TCF12: variants seen among roughly 807,000 people sequenced by gnomAD.
TCF12 encodes transcription factor 12.
Under a neutral mutation model 86.0 loss-of-function variants are expected in TCF12, and 45 were observed. The observed-to-expected ratio is 0.52, with a 90% CI of 0.41 to 0.67. The LOEUF is 0.67. Among genes scored for constraint, TCF12 ranks in the 30% least tolerant of loss-of-function variants. TCF12 has a pLI of 0.00. For synonymous variants in TCF12, 330 were observed against 299.6 expected (o/e 1.10, Z -1.05); for missense variants, 881 against 859.9 (o/e 1.02, Z -0.31).
intron 3 of TCF12, among the ~76,000 whole-genome samples, chr15:56,988,503 T>A (rs1171155665): frequency 2.0e-5 from 3 of 152,206 alleles, no homozygotes; most frequent in African/African-American, 7.2e-5. Flanking sequence ...GGTACATGAC[T>A]GTATTTTTGT....
intron 3 of TCF12, among the ~76,000 whole-genome samples, chr15:56,929,440 AC>A (rs2060152441): frequency 6.6e-6 from 1 of 152,124 alleles, no homozygotes. Context: ...TTTTAAAGAT[AC>A]CCTTGACTTG....
chr15:57,264,490 C>T (rs187407559), intron 18 of TCF12, among the ~76,000 whole-genome samples: 3 of 151,906 alleles, frequency 2.0e-5, no homozygotes, highest in South Asian at 2.1e-4. Context: ...CATGAGCCAC[C>T]GCACCCGGCC....
chr15:57,119,719 A>G (rs576928320), intron 5 of TCF12, among the ~76,000 whole-genome samples: 8 of 152,238 alleles, frequency 5.3e-5, no homozygotes, highest in Admixed American at 2.6e-4. Flanking sequence ...TGGAATCACA[A>G]TATCACTGAT....
intron 3 of TCF12, among the ~76,000 whole-genome samples, chr15:57,035,117 C>CT (rs1390150487): frequency 8.5e-5 from 13 of 152,088 alleles, no homozygotes; most frequent in African/African-American, 2.9e-4. Context: ...TTACAACCCC[C>CT]CAATGAGATT....
chr15:57,110,594 T>A (rs1381272408), intron 5 of TCF12, among the ~76,000 whole-genome samples: 1 of 152,212 alleles, frequency 6.6e-6, no homozygotes, highest in Non-Finnish European at 1.5e-5. Context: ...ATTTTTTGTG[T>A]ACAGGAAGAA....
chr15:57,144,179 G>C (rs1043242531), intron 5 of TCF12, among the ~76,000 whole-genome samples: 1 of 152,150 alleles, frequency 6.6e-6, no homozygotes, highest in African/African-American at 2.4e-5. Flanking sequence ...AGAGGCAGGG[G>C]TATCAGTTGG....
intron 5 of TCF12, among the ~76,000 whole-genome samples, chr15:57,145,063 A>G (rs536667039): frequency 6.6e-6 from 1 of 152,206 alleles, no homozygotes; most frequent in East Asian, 1.9e-4. Context: ...CAAAATATGG[A>G]TGAGCCAAAA....
chr15:56,950,843 T>C (rs951800654), intron 3 of TCF12, among the ~76,000 whole-genome samples: 2 of 145,618 alleles, frequency 1.4e-5, no homozygotes, highest in Admixed American at 7.1e-5. Context: ...CACAACCTCT[T>C]CCTCCCAGGT....
At chr15:56,981,017 A>AGCC (rs1319425542) in intron 3 of TCF12, among the ~76,000 whole-genome samples, 1 of 152,210 alleles carries the variant, frequency 6.6e-6, no homozygotes, top group African/African-American at 2.4e-5. Flanking sequence ...TAGAGCAGGA[A>AGCC]GCCTCATATT....
chr15:57,090,400 A>G (rs1596479577), intron 4 of TCF12, among the ~76,000 whole-genome samples: 2 of 152,332 alleles, frequency 1.3e-5, no homozygotes, highest in East Asian at 1.9e-4. Context: ...TTCTTCTTGA[A>G]TATCTATCAC....
At chr15:57,241,290 G>C (rs2733321) in intron 12 of TCF12, among the ~76,000 whole-genome samples, 151,570 of 152,086 alleles carry the variant, frequency 1, 75,530 homozygotes, top group Middle Eastern at 1. Context: ...CGGGGTTTCA[G>C]CATGTTGGCC....
intron 12 of TCF12, among the ~76,000 whole-genome samples, chr15:57,235,827 T>C (rs1207334782): frequency 3.9e-5 from 6 of 152,372 alleles, no homozygotes; most frequent in African/African-American, 1.2e-4. Context: ...AGAAAACTTC[T>C]ATCAGGGAAC....
At chr15:57,018,537 A>G (rs2065283878) in intron 3 of TCF12, among the ~76,000 whole-genome samples, 1 of 148,914 alleles carries the variant, frequency 6.7e-6, no homozygotes, top group South Asian at 2.1e-4. Flanking sequence ...ATCTCGGCTC[A>G]CCGCAACATG....
chr15:56,929,019 A>G (rs1424305289), intron 3 of TCF12, among the ~76,000 whole-genome samples: 1 of 152,216 alleles, frequency 6.6e-6, no homozygotes, highest in Non-Finnish European at 1.5e-5. Flanking sequence ...TTAAAAATTC[A>G]TGTACATTTT....
At chr15:57,069,680 A>G (rs774310545) in intron 4 of TCF12, among the ~76,000 whole-genome samples, 2 of 152,240 alleles carry the variant, frequency 1.3e-5, no homozygotes, top group African/African-American at 2.4e-5. Context: ...AGCCTCTGGC[A>G]TGACAGAACT....
chr15:57,146,842 GGTGTAACACACTGTTA>G (rs1188996265), intron 5 of TCF12, among the ~76,000 whole-genome samples: 1 of 151,972 alleles, frequency 6.6e-6, no homozygotes, highest in Non-Finnish European at 1.5e-5. Flanking sequence ...AATTAGAGAT[GGTGTAACACACTGTTA>G]GTGTTTAGGT....
At chr15:57,072,873 T>A (rs2069527434) in intron 4 of TCF12, among the ~76,000 whole-genome samples, 1 of 152,226 alleles carries the variant, frequency 6.6e-6, no homozygotes, top group Non-Finnish European at 1.5e-5. Context: ...TAAAATGTTT[T>A]TACTCTTAGT....
chr15:56,950,910 C>A (rs1052948012), intron 3 of TCF12, among the ~76,000 whole-genome samples: 14 of 151,888 alleles, frequency 9.2e-5, no homozygotes, highest in Non-Finnish European at 1.3e-4. Flanking sequence ...GCATGTACCA[C>A]CACACCTGGC....
At chr15:56,964,545 A>AACACTACTCAAGTTT (rs2061918052) in intron 3 of TCF12, among the ~76,000 whole-genome samples, 1 of 152,084 alleles carries the variant, frequency 6.6e-6, no homozygotes, top group Admixed American at 6.6e-5. Flanking sequence ...AGCCTCTCTA[A>AACACTACTCAAGTTT]ACACTACTCA....
Sources: gnomAD v4.1 joint callset for allele counts (sites outside exome capture counted in the v4.1 genomes callset) on GRCh38, gnomAD v4.1.1 for gene constraint, MANE v1.5 for transcripts, NCBI Gene and HGNC (gene_info 2026-07-23, HGNC 2026-07-21) for gene names.